The following FGD3 variants were observed in gnomAD, a reference collection of about 807,000 sequenced individuals.
The protein encoded by FGD3 is FYVE, RhoGEF and PH domain containing 3, also known as FYVE, RhoGEF and PH domain-containing protein 3.
FGD3 carries 45 observed loss-of-function variants against 71.8 expected under a neutral mutation model. The ratio of observed to expected loss-of-function variants is 0.63; its 90% confidence interval spans 0.49 to 0.80. The LOEUF (loss-of-function observed/expected upper bound fraction) is 0.80, where lower values mean the gene tolerates loss of function less well. Among genes scored for constraint, FGD3 ranks in the 30% least tolerant of loss-of-function variants. FGD3 has a pLI of 0.00. For synonymous variants in FGD3, 378 were observed against 392.8 expected, an observed-to-expected ratio of 0.96 and a Z score of 0.44; for missense variants, 844 against 951.5, an observed-to-expected ratio of 0.89 and a Z score of 1.49.
At chr9:92,953,307 T>C (rs1423918309) in intron 1 of FGD3, among the ~76,000 whole-genome samples, 1 of 152,154 alleles carries the variant, frequency 6.6e-6, no homozygotes, top group Non-Finnish European at 1.5e-5. Flanking sequence ...TAAGAAACAA[T>C]CGCTTCCACT....
chr9:93,026,108 C>T (rs1862103658), intron 14 of FGD3, among the ~76,000 whole-genome samples: 1 of 152,210 alleles, frequency 6.6e-6, no homozygotes, highest in Non-Finnish European at 1.5e-5. Flanking sequence ...AGCTGTGCCC[C>T]CCGTTCCTGG....
intron 3 of FGD3, among the ~76,000 whole-genome samples, chr9:92,984,551 GT>G (rs1417779210): frequency 1.3e-5 from 2 of 152,194 alleles, no homozygotes; most frequent in Non-Finnish European, 2.9e-5. Context: ...CCAAATAAGT[GT>G]GGGCTATTTC....
intron 16 of FGD3, chr9:93,034,226 C>T: frequency 3.4e-6 from 1 of 295,782 alleles, no homozygotes; most frequent in Non-Finnish European, 6.3e-6. Flanking sequence ...AGTCCCTGTC[C>T]CGTGACCCAC....
chr9:92,992,750 C>A (rs982373223), intron 3 of FGD3, among the ~76,000 whole-genome samples: 2 of 152,136 alleles, frequency 1.3e-5, no homozygotes, highest in African/African-American at 4.8e-5. Context: ...TGGTGCCATG[C>A]CACAGCAGCC....
intron 3 of FGD3, among the ~76,000 whole-genome samples, chr9:92,978,223 G>A (rs1199507414): frequency 6.6e-5 from 10 of 150,802 alleles, no homozygotes; most frequent in Admixed American, 3.3e-4. Flanking sequence ...CGGAGGTTGC[G>A]GTGAGCCGAT....
In FGD3 at chr9:92,971,198, G is replaced by T. The variant is rs377417083; in HGVS notation, c.-217-4040G>T. Among the ~76,000 whole-genome samples the T allele has an allele frequency of 1.8e-3, 275 of 152,210 alleles. 1 individual carries two copies. The highest frequency in any genetic ancestry group is 6.4e-3 in the African/African-American group (267 of 41,508). ...AGGACTTCAGTGTGTGAATTGGGGGGTACCGACAGGATCCATAACACAGGT... is the reference window on the plus strand; with the variant it reads ...AGGACTTCAGTGTGTGAATTGGGGGTTACCGACAGGATCCATAACACAGGT... On this transcript the variant is annotated intron_variant, in intron 1 of 17. Coordinates refer to ENST00000375482, the MANE Select transcript of FGD3 (RefSeq NM_001083536.2).
intron 5 of FGD3, 117 bp downstream of exon 5, chr9:93,004,254 C>T: frequency 7.5e-7 from 1 of 1,341,420 alleles, no homozygotes; most frequent in South Asian, 1.3e-5. Context: ...GGGCGCCTCC[C>T]TTCTCTGCAC....
chr9:92,999,139 C>T (rs112921808), intron 3 of FGD3, among the ~76,000 whole-genome samples: 77 of 152,172 alleles, frequency 5.1e-4, no homozygotes, highest in Non-Finnish European at 6.6e-4. Flanking sequence ...AGTTTCCCGG[C>T]GGCTTTGTTT....
intron 3 of FGD3, among the ~76,000 whole-genome samples, chr9:92,989,623 G>A (rs1015675683): frequency 6.6e-6 from 1 of 152,210 alleles, no homozygotes; most frequent in African/African-American, 2.4e-5. Context: ...GGAAAAGTGG[G>A]CTGGAGGGGA....
chr9:92,985,488 TTTG>T (rs1447987488), intron 3 of FGD3, among the ~76,000 whole-genome samples: 3 of 152,236 alleles, frequency 2.0e-5, no homozygotes, highest in African/African-American at 7.2e-5. Flanking sequence ...TGTTTATTTG[TTTG>T]TTTTTTGACA....
intron 3 of FGD3, among the ~76,000 whole-genome samples, chr9:92,978,646 G>A (rs1047667883): frequency 4.6e-4 from 68 of 148,628 alleles, no homozygotes; most frequent in African/African-American, 1.6e-3. Context: ...AACATGAATT[G>A]CATGTTACAC....
At chr9:93,016,583 G>A (rs1350585239) in intron 10 of FGD3, among the ~76,000 whole-genome samples, 5 of 151,620 alleles carry the variant, frequency 3.3e-5, no homozygotes, top group African/African-American at 1.2e-4. Flanking sequence ...TGATCCACCC[G>A]CCTTGGCCTC....
chr9:93,015,912 G>T (rs1269709864), intron 10 of FGD3, 83 bp downstream of exon 10: 7 of 1,246,412 alleles, frequency 5.6e-6, no homozygotes, highest in Non-Finnish European at 7.1e-6. Flanking sequence ...TGGCCGCTGA[G>T]GCACTCACCT....
At chr9:93,010,126 C>A in intron 6 of FGD3, 120 bp from the exon 7 acceptor site, 2 of 1,200,988 alleles carry the variant, frequency 1.7e-6, no homozygotes, top group Non-Finnish European at 2.3e-6. Context: ...TCTTGAAGGA[C>A]AGTCAGTTCT....
chr9:92,994,638 A>G (rs1860556438), intron 3 of FGD3, among the ~76,000 whole-genome samples: 1 of 152,160 alleles, frequency 6.6e-6, no homozygotes, highest in South Asian at 2.1e-4. Flanking sequence ...TCCATCTTGA[A>G]TTAATTTTTG....
chr9:93,034,441 C>A, intron 16 of FGD3, 100 bp from the exon 17 acceptor site: 1 of 1,428,524 alleles, frequency 7.0e-7, no homozygotes, highest in Non-Finnish European at 9.4e-7. Flanking sequence ...CCACAGCCAG[C>A]TCCCCCCAAG....
chr9:92,966,029 C>G (rs1859310753), intron 1 of FGD3, among the ~76,000 whole-genome samples: 1 of 152,190 alleles, frequency 6.6e-6, no homozygotes, highest in African/African-American at 2.4e-5. Flanking sequence ...CTGCCTGTCC[C>G]TAGGCGGGAC....
rs775977729 is a variant in FGD3 at position 93,004,128 on chromosome 9, CGGA to C, written c.676_678del (p.Glu226del). The C allele has an allele frequency of 1.6e-5, 26 of 1,613,778 alleles. No homozygotes were observed. Among genetic ancestry groups the C allele is most frequent in the Admixed American group, 5.0e-5 (3 of 60,014 alleles). ...CTGCCGGAGCTGAAGACGCGGATCACGGAGGAGTGGTGAGTACCATCTGCGCAT... is the reference window on the plus strand; with the variant it reads ...CTGCCGGAGCTGAAGACGCGGATCACGGAGTGGTGAGTACCATCTGCGCAT... On this transcript the variant is annotated inframe_deletion, in exon 5 of 18. Coordinates refer to ENST00000375482, the MANE Select transcript of FGD3 (RefSeq NM_001083536.2).
Position 93,019,822 on chromosome 9 carries a change from GT to G in FGD3, c.1356-3del. The G allele has an allele frequency of 6.2e-7, 1 of 1,613,924 alleles. No individual in the cohort carries two copies. The highest frequency in any genetic ancestry group is 8.5e-7 in the Non-Finnish European group (1 of 1,179,852). ...ACTGGATTAATACAAGACCGTTTTG[GT>G]TTTTTAGGACAGAGGAAGAGAAGAA... On this transcript the variant is annotated splice_region_variant and splice_polypyrimidine_tract_variant and intron_variant, in intron 11 of 17. Transcript: ENST00000375482.
Sources: allele counts gnomAD v4.1 joint callset (sites outside exome capture counted in the v4.1 genomes callset), GRCh38; gene constraint gnomAD v4.1.1; transcripts MANE v1.5; gene names NCBI Gene and HGNC (gene_info 2026-07-23, HGNC 2026-07-21).